Variants in CHST12 observed in about 807,000 individuals in gnomAD.
The protein encoded by CHST12 is carbohydrate (chondroitin 4) sulfotransferase 12.
In CHST12, 23 loss-of-function variants were observed where a neutral mutation model predicts 27.9. The ratio of observed to expected loss-of-function variants is 0.82; its 90% CI spans 0.59 to 1.17. CHST12 has a LOEUF of 1.17. CHST12 is among the 50% of genes most tolerant of loss of function. The pLI is 0.00. For missense variants in CHST12, 682 were observed against 603.0 expected (o/e 1.13, Z -1.37); for synonymous variants, 322 against 273.0 (o/e 1.18, Z -1.77).
At chr7:2,426,155 C>T (rs1583220584) in intron 1 of CHST12, among the ~76,000 whole-genome samples, 1 of 152,272 alleles carries the variant, frequency 6.6e-6, no homozygotes, top group East Asian at 1.9e-4. Context: ...GGCTGGGACT[C>T]ATTTCTGTAA....
In CHST12 at chr7:2,410,281, C is replaced by T. The variant is rs186068729; in HGVS notation, c.-78+6608C>T. ...TGCTACTGTAAGCCTTGAGAATACC[C>T]GCTGTGAGGCAGGACGAGGACCTCC... On this transcript the variant is annotated intron_variant, in intron 1 of 1. Transcript: ENST00000618655. Among the ~76,000 whole-genome samples the T allele has an allele frequency of 8.0e-4, 122 of 152,266 alleles. 1 individual carries two copies. The highest frequency in any genetic ancestry group is 2.7e-3 in the African/African-American group (111 of 41,564).
In CHST12 at chr7:2,433,876, C is replaced by T. The variant is rs764621507; in HGVS notation, c.1237C>T (p.Arg413Ter). The T allele has an allele frequency of 2.6e-6, 4 of 1,566,792 alleles. No individual in the cohort carries two copies. The highest frequency in any genetic ancestry group is 1.9e-5 in the Admixed American group (1 of 51,648). ...FGYPKPENLLRD is the reference protein window; with the variant it reads ...FGYPKPENLL ...CTACCCCAAGCCCGAAAACCTCCTCCGAGACTGAAAGCTTTCGCGTTGCTT... is the reference window on the plus strand; with the variant it reads ...CTACCCCAAGCCCGAAAACCTCCTCTGAGACTGAAAGCTTTCGCGTTGCTT... Residue 413 changes from arginine to a stop codon, truncating the protein, a stop_gained, in exon 2 of 2, where the codon CGA (arginine) becomes TGA (stop). Coordinates refer to ENST00000618655, the MANE Select transcript of CHST12 (RefSeq NM_018641.5). LOFTEE classifies it high-confidence loss of function. The surrounding 1 kb of genome is among the most constrained non-coding windows in gnomAD (Gnocchi z 6.1).
chr7:2,416,340 A>G (rs1781808323), intron 1 of CHST12, among the ~76,000 whole-genome samples: 1 of 152,188 alleles, frequency 6.6e-6, no homozygotes, highest in Admixed American at 6.5e-5. Context: ...AGAGTCATCC[A>G]TGAGGACTGG....
Position 2,414,781 on chromosome 7 carries a change from T to G in CHST12, c.-78+11108T>G, listed in dbSNP as rs538779693. Among the ~76,000 whole-genome samples, 10 of 152,332 alleles carry G rather than the reference T, an allele frequency of 6.6e-5. No homozygotes were observed. The South Asian group carries it at 1.7e-3, about 25-fold the overall frequency. On this transcript the variant is annotated intron_variant, in intron 1 of 1. Transcript: ENST00000618655. ...GTTTATGTGTAAGGCCATGATCCATTGTGAGTTAATTTCTGTGTGAGGCGT... is the reference window on the plus strand; with the variant it reads ...GTTTATGTGTAAGGCCATGATCCATGGTGAGTTAATTTCTGTGTGAGGCGT...
rs1281052565 is a variant in CHST12 at position 2,432,589 on chromosome 7, C to T, written c.-51C>T. ...TTCCCAGCAGGATGCCCCGGCTCTGCAGGAAGCTGAAGTGAGAGGCCCGGA... is the reference window on the plus strand; with the variant it reads ...TTCCCAGCAGGATGCCCCGGCTCTGTAGGAAGCTGAAGTGAGAGGCCCGGA... On this transcript the variant is annotated 5_prime_UTR_variant, in exon 2 of 2. Coordinates refer to ENST00000618655, the MANE Select transcript of CHST12 (RefSeq NM_018641.5). The T allele has an allele frequency of 6.4e-7, 1 of 1,558,970 alleles. No individual in the cohort carries two copies. The highest frequency in any genetic ancestry group is 2.3e-5 in the East Asian group (1 of 44,180).
intron 1 of CHST12, among the ~76,000 whole-genome samples, chr7:2,411,615 A>G (rs553803947): frequency 6.7e-6 from 1 of 149,224 alleles, no homozygotes; most frequent in Non-Finnish European, 1.5e-5. Flanking sequence ...TCAGCCTCTC[A>G]AGTAGCTGGG....
chr7:2,403,509 T>A (rs1188681052), upstream of CHST12: 1 of 150,668 alleles, frequency 6.6e-6, no homozygotes, highest in African/African-American at 2.5e-5. Context: ...TCGGCCTCCG[T>A]GGCCCCTCCG....
chr7:2,413,513 C>T (rs1254310200), intron 1 of CHST12, among the ~76,000 whole-genome samples: 1 of 152,146 alleles, frequency 6.6e-6, no homozygotes, highest in African/African-American at 2.4e-5. Context: ...TTCCATCGCC[C>T]CGAGTTTCTG....
intron 1 of CHST12, among the ~76,000 whole-genome samples, chr7:2,412,049 C>G (rs934562242): frequency 6.6e-6 from 1 of 152,148 alleles, no homozygotes; most frequent in Non-Finnish European, 1.5e-5. Context: ...CCTCTGTGCT[C>G]TAGGACCGGC....
intron 1 of CHST12, among the ~76,000 whole-genome samples, chr7:2,425,515 A>G (rs145649712): frequency 5.9e-4 from 90 of 152,294 alleles, no homozygotes; most frequent in African/African-American, 2.1e-3. Context: ...GACGGAGATG[A>G]GTGCCTCTGG....
chr7:2,417,764 T>C (rs549747458), intron 1 of CHST12, among the ~76,000 whole-genome samples: 14 of 152,264 alleles, frequency 9.2e-5, no homozygotes, highest in African/African-American at 3.1e-4. Flanking sequence ...GGGCATCCGA[T>C]ATCTCAGTTC....
At chr7:2,430,809 A>G (rs911416564) in intron 1 of CHST12, among the ~76,000 whole-genome samples, 1 of 152,304 alleles carries the variant, frequency 6.6e-6, no homozygotes, top group South Asian at 2.1e-4. Context: ...GCTGGTCTCC[A>G]ACTCCTGATC....
intron 1 of CHST12, among the ~76,000 whole-genome samples, chr7:2,419,301 AGGAG>A (rs1781899222): frequency 6.6e-6 from 1 of 150,618 alleles, no homozygotes; most frequent in Non-Finnish European, 1.5e-5. Flanking sequence ...CCAGCTACTC[AGGAG>A]GCTGAGGTGG....
chr7:2,421,425 GT>G (rs1190374363), intron 1 of CHST12, among the ~76,000 whole-genome samples: 21 of 127,352 alleles, frequency 1.6e-4, no homozygotes, highest in African/African-American at 3.5e-4. Context: ...TTTTAGTTTG[GT>G]TTTTTTTTTT....
intron 1 of CHST12, among the ~76,000 whole-genome samples, chr7:2,413,389 G>T (rs527943435): frequency 3.3e-5 from 5 of 152,178 alleles, no homozygotes; most frequent in Non-Finnish European, 7.3e-5. Flanking sequence ...TAAATCAAAT[G>T]TATTGAGTAT....
chr7:2,404,031 T>TC (rs1320355069), intron 1 of CHST12: 2 of 149,948 alleles, frequency 1.3e-5, no homozygotes, highest in African/African-American at 4.9e-5. Context: ...CCCCCAGGAG[T>TC]CCCCCTGCCC....
intron 1 of CHST12, among the ~76,000 whole-genome samples, chr7:2,415,900 C>T (rs1376249720): frequency 1.3e-5 from 2 of 152,194 alleles, no homozygotes; most frequent in African/African-American, 4.8e-5. Flanking sequence ...AAGCGTGAGC[C>T]ACCGCGCCTG....
At position 2,443,932 on chromosome 7, in the gene CHST12, TGAGGTCG is replaced by T. The variant is rs1782681871; in HGVS notation, c.*10051_*10057del. 1 of 150,454 alleles carries T rather than the reference TGAGGTCG, an allele frequency of 6.6e-6. No individual in the cohort carries two copies. The highest frequency in any genetic ancestry group is 2.5e-5 in the African/African-American group (1 of 40,738). The allele number at this position is 150,454 out of a possible 1,614,324, so 9.3% of individuals were successfully genotyped here. On this transcript the variant is annotated 3_prime_UTR_variant, in exon 2 of 2. Coordinates refer to ENST00000618655, the MANE Select transcript of CHST12 (RefSeq NM_018641.5). ...GGGAGGCCGAGGCGGGTGGATCACC[TGAGGTCG>T]GAAGTTCAACACCAGCCTGGCCAAC...
chr7:2,416,120 C>T lies in CHST12; in HGVS notation c.-78+12447C>T, dbSNP rs74956804. On this transcript the variant is annotated intron_variant, in intron 1 of 1. Coordinates refer to ENST00000618655, the MANE Select transcript of CHST12 (RefSeq NM_018641.5). The stretch of plus-strand genomic sequence containing the variant: ...TCTAAATCTTTTCTGGTCATCTCAG[C>T]AGCGTTCATAGCATCTTTACCCAGA... Among the ~76,000 whole-genome samples, 1,890 of 152,316 alleles carry T rather than the reference C, an allele frequency of 0.012. 144 individuals carry two copies. The East Asian group carries it at 0.21, about 17-fold the overall frequency.
Sources: allele counts gnomAD v4.1 joint callset (sites outside exome capture counted in the v4.1 genomes callset), GRCh38; gene constraint gnomAD v4.1.1; non-coding constraint Gnocchi (gnomAD v3.1); transcripts MANE v1.5; gene names NCBI Gene and HGNC (gene_info 2026-07-23, HGNC 2026-07-21).